TPRG1: variants seen among roughly 807,000 people sequenced by gnomAD.
TPRG1 encodes the protein tumor protein p63-regulated gene 1 protein.
Under a neutral mutation model 29.3 loss-of-function variants are expected in TPRG1, and 29 were observed. That is an observed-to-expected ratio of 0.99 (90% CI 0.74 to 1.35). The LOEUF is 1.35. TPRG1 is among the 40% of genes most tolerant of loss of function. The pLI is 0.00. For missense variants in TPRG1, 327 were observed against 335.0 expected, an observed-to-expected ratio of 0.98 and a Z score of 0.19; for synonymous variants, 130 against 116.8, an observed-to-expected ratio of 1.11 and a Z score of -0.73.
intron 3 of TPRG1, among the ~76,000 whole-genome samples, chr3:189,217,507 T>G (rs1736251784): frequency 6.6e-6 from 1 of 152,206 alleles, no homozygotes; most frequent in Non-Finnish European, 1.5e-5. Context: ...AAATCGTAGT[T>G]CCTTGGTGTT....
chr3:189,177,993 G>A (rs1469134696), intron 1 of TPRG1, among the ~76,000 whole-genome samples: 3 of 152,160 alleles, frequency 2.0e-5, no homozygotes, highest in African/African-American at 7.2e-5. Context: ...AGTCTTCCCA[G>A]GAGGAGAAAG....
intron 3 of TPRG1, among the ~76,000 whole-genome samples, chr3:189,019,591 C>A (rs1450339906): frequency 6.6e-6 from 1 of 152,170 alleles, no homozygotes; most frequent in Non-Finnish European, 1.5e-5. Context: ...CCCACTTGAT[C>A]ATGATGGATA....
intron 5 of TPRG1, among the ~76,000 whole-genome samples, chr3:189,153,393 A>G (rs538393320): frequency 3.3e-4 from 50 of 152,364 alleles, no homozygotes; most frequent in African/African-American, 1.2e-3. Flanking sequence ...GAGAAGAGCT[A>G]AGCAAGAATG....
intron 1 of TPRG1, among the ~76,000 whole-genome samples, chr3:189,184,945 G>A (rs1181899666): frequency 1.3e-5 from 2 of 152,166 alleles, no homozygotes; most frequent in Non-Finnish European, 2.9e-5. Flanking sequence ...CACTTACCTT[G>A]GCGTGCGTGT....
intron 3 of TPRG1, among the ~76,000 whole-genome samples, chr3:189,134,553 A>G (rs920091777): frequency 4.6e-5 from 7 of 151,330 alleles, no homozygotes; most frequent in Non-Finnish European, 1.0e-4. Context: ...AGGTGGGACT[A>G]TATATAGAGG....
chr3:189,145,405 T>C (rs1725137925), intron 3 of TPRG1, among the ~76,000 whole-genome samples: 1 of 126,408 alleles, frequency 7.9e-6, no homozygotes, highest in Admixed American at 8.6e-5. Context: ...TCAAATACCA[T>C]AGACTAACAC....
intron 5 of TPRG1, among the ~76,000 whole-genome samples, chr3:189,315,317 A>AG (rs1222424482): frequency 2.2e-5 from 3 of 137,270 alleles, no homozygotes; most frequent in South Asian, 4.7e-4. Context: ...TGTGTGTGTA[A>AG]GGGGGGGTGA....
chr3:189,287,185 G>A (rs965186270), intron 4 of TPRG1, among the ~76,000 whole-genome samples: 2 of 152,094 alleles, frequency 1.3e-5, no homozygotes, highest in African/African-American at 2.4e-5. Context: ...AAAGGGAAAA[G>A]AGAGGAGGCA....
At chr3:189,317,427 T>C (rs1285181604) in intron 5 of TPRG1, among the ~76,000 whole-genome samples, 2 of 152,200 alleles carry the variant, frequency 1.3e-5, no homozygotes. Flanking sequence ...ATCCTTTATA[T>C]AATATGTGAG....
intron 4 of TPRG1, among the ~76,000 whole-genome samples, chr3:189,278,435 T>A (rs1716533385): frequency 6.6e-6 from 1 of 152,180 alleles, no homozygotes; most frequent in Non-Finnish European, 1.5e-5. Flanking sequence ...TTGCTTTACG[T>A]ACTGTGAGCA....
Position 189,325,022 on chromosome 3 carries a change from T to G in TPRG1, c.*4202T>G, listed in dbSNP as rs1724608505. The G allele has an allele frequency of 6.6e-6, 1 of 152,124 alleles. No individual in the cohort carries two copies. The highest frequency in any genetic ancestry group is 1.5e-5 in the Non-Finnish European group (1 of 68,018). The allele number at this position is 152,124 out of a possible 1,614,324, so 9.4% of individuals were successfully genotyped here. ...CGTGCTCCGAAAGCAGTTAGGGGAC[T>G]AGGCCTCTTGATTTCCTTGTAGATA... On this transcript the variant is annotated 3_prime_UTR_variant, in exon 6 of 6. Transcript: ENST00000345063.
At chr3:189,185,186 C>T (rs1281928336) in intron 1 of TPRG1, among the ~76,000 whole-genome samples, 1 of 152,042 alleles carries the variant, frequency 6.6e-6, no homozygotes, top group African/African-American at 2.4e-5. Context: ...TGATTACTTG[C>T]TTATCTGTCA....
rs904315341 is a variant in TPRG1, at chr3:189,242,033, A to G, written c.479+3124A>G. ...AAAGCTTTCTCCATACTATAATTAT[A>G]AAGTAAATTTCCAAGTTTTTGTCTA... On this transcript the variant is annotated intron_variant, in intron 4 of 5. Coordinates refer to ENST00000345063, the MANE Select transcript of TPRG1 (RefSeq NM_198485.4). Among the ~76,000 whole-genome samples the G allele has an allele frequency of 3.9e-5, 6 of 152,250 alleles. No homozygotes were observed. In the South Asian group the frequency reaches 8.3e-4, roughly 21 times the overall value.
At chr3:189,041,410 T>C (rs1164791811) in intron 4 of TPRG1, among the ~76,000 whole-genome samples, 1 of 152,230 alleles carries the variant, frequency 6.6e-6, no homozygotes. Context: ...ATCCTGGCTC[T>C]TCCCTTTCTG....
At chr3:189,077,597 C>T (rs925560865) in intron 4 of TPRG1, among the ~76,000 whole-genome samples, 3 of 152,106 alleles carry the variant, frequency 2.0e-5, no homozygotes, top group Non-Finnish European at 4.4e-5. Context: ...ATTCATTGAA[C>T]TCAACACTTA....
At chr3:189,295,308 C>A (rs958358771) in intron 4 of TPRG1, among the ~76,000 whole-genome samples, 2 of 152,058 alleles carry the variant, frequency 1.3e-5, no homozygotes, top group East Asian at 3.9e-4. Context: ...CTTTGATCAA[C>A]AATGCCAAGG....
At chr3:189,265,724 C>T (rs1713947824) in intron 4 of TPRG1, among the ~76,000 whole-genome samples, 1 of 152,172 alleles carries the variant, frequency 6.6e-6, no homozygotes, top group African/African-American at 2.4e-5. Flanking sequence ...ACTCCCCCTC[C>T]TTCTGTCTGT....
chr3:189,155,712 T>C (rs1489197593), intron 5 of TPRG1, among the ~76,000 whole-genome samples: 1 of 152,234 alleles, frequency 6.6e-6, no homozygotes, highest in East Asian at 1.9e-4. Flanking sequence ...GAGGACATTA[T>C]GCTAAGTGGA....
At chr3:189,315,933 C>T (rs897226469) in intron 5 of TPRG1, among the ~76,000 whole-genome samples, 2 of 152,154 alleles carry the variant, frequency 1.3e-5, no homozygotes, top group Admixed American at 6.5e-5. Flanking sequence ...CAAAAGTTAA[C>T]AAGTCTGATG....
Sources: gnomAD v4.1 joint callset for allele counts (sites outside exome capture counted in the v4.1 genomes callset) on GRCh38, gnomAD v4.1.1 for gene constraint, MANE v1.5 for transcripts, NCBI Gene and HGNC (gene_info 2026-07-23, HGNC 2026-07-21) for gene names.